The following MAB21L3 variants were observed in gnomAD, a reference collection of about 807,000 sequenced individuals.
MAB21L3 encodes the protein protein mab-21-like 3.
A neutral mutation model predicts 37.7 loss-of-function variants in MAB21L3; 36 were observed. That is an observed-to-expected ratio of 0.96 (90% CI 0.73 to 1.26). MAB21L3 has a LOEUF of 1.26. MAB21L3 is among the 50% of genes most tolerant of loss of function. The probability of loss-of-function intolerance (pLI) is 0.00; values close to 1 mark genes in which losing one functional copy is unlikely to be tolerated. For missense variants in MAB21L3, 430 were observed against 447.3 expected (o/e 0.96, Z 0.35); for synonymous variants, 186 against 176.8 (o/e 1.05, Z -0.41).
chr1:116,133,353 C>T lies in MAB21L3; in HGVS notation c.1077C>T (p.Ile359=), dbSNP rs138505642. 27 of 1,614,188 alleles carry T rather than the reference C, an allele frequency of 1.7e-5. No homozygotes were observed. Among genetic ancestry groups the T allele is most frequent in the East Asian group, 2.2e-5 (1 of 44,878 alleles). Residue 359 remains isoleucine, a synonymous_variant, in exon 8 of 8, where the codon ATC becomes ATT. Transcript: ENST00000369500. The part of the protein sequence containing the change: ...KLATFLKNPQ[I]GPP ...CCACCTTCCTGAAGAACCCCCAGAT[C>T]GGCCCGCCCTGATGGTTGCCCCGGC... is the stretch of plus-strand genomic sequence containing the variant.
intron 4 of MAB21L3, among the ~76,000 whole-genome samples, chr1:116,121,901 C>G (rs1659760418): frequency 6.6e-6 from 1 of 152,202 alleles, no homozygotes; most frequent in Non-Finnish European, 1.5e-5. Context: ...CATTCTGAAT[C>G]TCCATTATTC....
Position 116,134,993 on chromosome 1 carries a change from A to G in MAB21L3, c.*1628A>G, listed in dbSNP as rs1042088334. The G allele has an allele frequency of 3.3e-5, 5 of 152,244 alleles. No individual in the cohort carries two copies. The highest frequency in any genetic ancestry group is 2.6e-4 in the Admixed American group (4 of 15,282). The allele number at this position is 152,244 out of a possible 1,614,324, so 9.4% of individuals were successfully genotyped here. ...TGAAAATTCACATTTGAAAATGAAA[A>G]TGATTACTTTTCAAAAGTACTGTAA... On this transcript the variant is annotated 3_prime_UTR_variant, in exon 8 of 8. Transcript: ENST00000369500.
intron 3 of MAB21L3, among the ~76,000 whole-genome samples, chr1:116,117,403 T>G (rs1192662524): frequency 2.0e-5 from 3 of 152,098 alleles, no homozygotes; most frequent in Non-Finnish European, 4.4e-5. Flanking sequence ...TTCAGGTCCC[T>G]GAAGTGGCCT....
In MAB21L3 at chr1:116,134,103, A is replaced by G. The variant is rs1660152277; in HGVS notation, c.*738A>G. On this transcript the variant is annotated 3_prime_UTR_variant, in exon 8 of 8. Coordinates refer to ENST00000369500, the MANE Select transcript of MAB21L3 (RefSeq NM_152367.3). Reference sequence around the variant, plus strand: ...TTTTGATGATAAGTGTAAGTCAAAGATGAAAGTACAACTCTTGGCCTGATC... The same window carrying G: ...TTTTGATGATAAGTGTAAGTCAAAGGTGAAAGTACAACTCTTGGCCTGATC... The G allele has an allele frequency of 7.8e-6, 1 of 128,424 alleles. No individual in the cohort carries two copies. The highest frequency in any genetic ancestry group is 1.6e-5 in the Non-Finnish European group (1 of 61,028). 8.0% of individuals were successfully genotyped at this position (128,424 alleles called of 1,614,324 possible).
chr1:116,123,366 G>A (rs904502557), intron 4 of MAB21L3, among the ~76,000 whole-genome samples: 2 of 152,028 alleles, frequency 1.3e-5, no homozygotes, highest in African/African-American at 4.8e-5. Flanking sequence ...ATTTTGGAAG[G>A]GTTAGTCATG....
chr1:116,127,453 C>A lies in MAB21L3; in HGVS notation c.482-13C>A. ...TTTCTCTTCTCCTTATCCATTTGGT[C>A]ATTTCCCACCAGGTAAGGTCAGCCT... is the stretch of plus-strand genomic sequence containing the variant. On this transcript the variant is annotated splice_polypyrimidine_tract_variant and intron_variant, in intron 5 of 7. Transcript: ENST00000369500. 1 of 1,609,762 alleles carries A rather than the reference C, an allele frequency of 6.2e-7. No homozygotes were observed. The highest frequency in any genetic ancestry group is 2.2e-5 in the East Asian group (1 of 44,850).
At chr1:116,126,159 A>C (rs1404567367) in intron 5 of MAB21L3, among the ~76,000 whole-genome samples, 1 of 152,224 alleles carries the variant, frequency 6.6e-6, no homozygotes, top group Non-Finnish European at 1.5e-5. Context: ...GAAATGCAAA[A>C]TAATAGATTC....
chr1:116,133,439 C>A lies in MAB21L3; in HGVS notation c.*74C>A. On this transcript the variant is annotated 3_prime_UTR_variant, in exon 8 of 8. Transcript: ENST00000369500. The stretch of plus-strand genomic sequence containing the variant: ...ATTGTTCTTTGGATGGTTCCTCAGT[C>A]AGGTGCCAGGATCCTGCCTAGGAGA... 7.3e-7 allele frequency: 1 copy of A among 1,365,212 alleles called. No homozygotes were observed. The highest frequency in any genetic ancestry group is 1.2e-5 in the South Asian group (1 of 81,920). 84.6% of individuals were successfully genotyped at this position (1,365,212 alleles called of 1,614,324 possible). A position where few individuals can be genotyped will look rare whatever the true frequency, so the allele number is the denominator to read the frequency against.
intron 7 of MAB21L3, among the ~76,000 whole-genome samples, chr1:116,131,229 A>G (rs1660058672): frequency 6.6e-6 from 1 of 152,248 alleles, no homozygotes; most frequent in Non-Finnish European, 1.5e-5. Flanking sequence ...TATGAGAAGT[A>G]CATGACTAAG....
At chr1:116,123,958 G>A (rs747348204) in intron 4 of MAB21L3, 108 bp from the exon 5 acceptor site, 8 of 1,103,966 alleles carry the variant, frequency 7.2e-6, no homozygotes, top group Non-Finnish European at 1.1e-5. Flanking sequence ...TCTGCTGAGG[G>A]TGGAGTGGTT....
Position 116,128,243 on chromosome 1 carries a change from G to A in MAB21L3, c.759G>A (p.Gly253=), listed in dbSNP as rs1659967442. The part of the protein sequence containing the change: ...QVLLEQLDED[G]GCRRKCFQVM... ...TACTGGAACAGCTGGATGAAGATGG[G>A]GGCTGCCGTAGGAAGTGTTTTCAGG... is the stretch of plus-strand genomic sequence containing the variant. The change falls in exon 7 of 8, where the codon GGG becomes GGA. Residue 253 remains glycine, a synonymous_variant. Coordinates refer to ENST00000369500, the MANE Select transcript of MAB21L3 (RefSeq NM_152367.3). 6.2e-7 allele frequency: 1 copy of A among 1,614,178 alleles called. No homozygotes were observed. Among genetic ancestry groups the A allele is most frequent in the Non-Finnish European group, 8.5e-7 (1 of 1,180,030 alleles).
chr1:116,135,080 G>C lies in MAB21L3; in HGVS notation c.*1715G>C, dbSNP rs1660173516. 1 of 151,806 alleles carries C rather than the reference G, an allele frequency of 6.6e-6. No individual in the cohort carries two copies. The highest frequency in any genetic ancestry group is 6.6e-5 in the Admixed American group (1 of 15,228). 9.4% of individuals were successfully genotyped at this position (151,806 alleles called of 1,614,324 possible). A position where few individuals can be genotyped will look rare whatever the true frequency, so the allele number is the denominator to read the frequency against. The stretch of plus-strand genomic sequence containing the variant: ...ACAATTAAAAGAACTAGAAAAGCAA[G>C]AGCAAACACATTCAAAAGCTAGCAG... On this transcript the variant is annotated 3_prime_UTR_variant, in exon 8 of 8. Transcript: ENST00000369500.
intron 7 of MAB21L3, among the ~76,000 whole-genome samples, chr1:116,130,465 G>A (rs764090137): frequency 6.6e-6 from 1 of 152,250 alleles, no homozygotes; most frequent in Non-Finnish European, 1.5e-5. Flanking sequence ...TCCACAGACA[G>A]AATTATCTCC....
chr1:116,132,414 A>G (rs1660095822), intron 7 of MAB21L3, among the ~76,000 whole-genome samples: 1 of 152,182 alleles, frequency 6.6e-6, no homozygotes, highest in South Asian at 2.1e-4. Context: ...CGAGAGAACC[A>G]GGTCTGCTGA....
At position 116,133,425 on chromosome 1, in the gene MAB21L3, G is replaced by C. The variant is rs1660132236; in HGVS notation, c.*60G>C. On this transcript the variant is annotated 3_prime_UTR_variant, in exon 8 of 8. Transcript: ENST00000369500. ...TATTCTGGCTTAACATTGTTCTTTG[G>C]ATGGTTCCTCAGTCAGGTGCCAGGA... The C allele has an allele frequency of 1.3e-6, 2 of 1,487,814 alleles. No homozygotes were observed. Among genetic ancestry groups the C allele is most frequent in the South Asian group, 2.3e-5 (2 of 86,992 alleles). 92.2% of individuals were successfully genotyped at this position (1,487,814 alleles called of 1,614,324 possible). A position where few individuals can be genotyped will look rare whatever the true frequency, so the allele number is the denominator to read the frequency against.
intron 3 of MAB21L3, 30 bp downstream of exon 3, chr1:116,112,693 C>A (rs750313804): frequency 2.5e-6 from 4 of 1,610,172 alleles, no homozygotes; most frequent in Admixed American, 3.3e-5. Flanking sequence ...CTCCCATGAA[C>A]CCCCTCCCCA....
At position 116,134,784 on chromosome 1, in the gene MAB21L3, C is replaced by A. The variant is rs2101621083; in HGVS notation, c.*1419C>A. ...AATTTCACAGAGGCCCACAAGGCAACATATTCTGTGTGGCACAACCGATCA... is the reference window on the plus strand; with the variant it reads ...AATTTCACAGAGGCCCACAAGGCAAAATATTCTGTGTGGCACAACCGATCA... On this transcript the variant is annotated 3_prime_UTR_variant, in exon 8 of 8. Transcript: ENST00000369500. The A allele has an allele frequency of 6.6e-6, 1 of 151,560 alleles. No individual in the cohort carries two copies. The highest frequency in any genetic ancestry group is 1.5e-5 in the Non-Finnish European group (1 of 67,970). The allele number at this position is 151,560 out of a possible 1,614,324, so 9.4% of individuals were successfully genotyped here.
At chr1:116,118,042 GA>G (rs368700858) in intron 3 of MAB21L3, among the ~76,000 whole-genome samples, 3,146 of 148,420 alleles carry the variant, frequency 0.021, 113 homozygotes, top group African/African-American at 0.069. Flanking sequence ...ATTTTGCAAG[GA>G]AAAAAAAAAC....
At chr1:116,118,378 C>CAA (rs71686471) in intron 3 of MAB21L3, among the ~76,000 whole-genome samples, 24 of 143,552 alleles carry the variant, frequency 1.7e-4, no homozygotes, top group Admixed American at 4.2e-4. Flanking sequence ...GAGAATCCAT[C>CAA]AAAAAAAAAA....
Sources: gnomAD v4.1 joint callset for allele counts (sites outside exome capture counted in the v4.1 genomes callset) on GRCh38, gnomAD v4.1.1 for gene constraint, MANE v1.5 for transcripts, NCBI Gene and HGNC (gene_info 2026-07-23, HGNC 2026-07-21) for gene names.